Variants in SNX24 observed in about 807,000 individuals in gnomAD.
SNX24 encodes the protein sorting nexin-24.
A neutral mutation model predicts 28.7 loss-of-function variants in SNX24; 22 were observed. The ratio of observed to expected loss-of-function variants is 0.77; its 90% confidence interval spans 0.55 to 1.10. SNX24 has a LOEUF of 1.10. Among genes scored for constraint, SNX24 ranks in the 50% least tolerant of loss-of-function variants. The pLI is 0.00. For synonymous variants in SNX24, 69 were observed against 71.5 expected, an observed-to-expected ratio of 0.96 and a Z score of 0.18; for missense variants, 221 against 201.1, an observed-to-expected ratio of 1.10 and a Z score of -0.60.
intron 3 of SNX24, among the ~76,000 whole-genome samples, chr5:122,963,985 G>C (rs961486506): frequency 3.3e-5 from 5 of 152,102 alleles, no homozygotes; most frequent in African/African-American, 1.2e-4. Context: ...GCTCATGCCT[G>C]TAATCCCAGG....
intron 1 of SNX24, among the ~76,000 whole-genome samples, chr5:122,869,326 T>C (rs905109570): frequency 2.0e-5 from 3 of 152,246 alleles, no homozygotes; most frequent in African/African-American, 7.2e-5. Context: ...GTACTTGTTA[T>C]CATTTAAATA....
At chr5:122,889,522 T>G (rs1288460653) in intron 1 of SNX24, among the ~76,000 whole-genome samples, 1 of 151,744 alleles carries the variant, frequency 6.6e-6, no homozygotes, top group Non-Finnish European at 1.5e-5. Context: ...ATGCAGATAT[T>G]CCAAAATGGA....
At chr5:122,992,076 G>T (rs1028817726) in intron 3 of SNX24, among the ~76,000 whole-genome samples, 3 of 152,094 alleles carry the variant, frequency 2.0e-5, no homozygotes, top group African/African-American at 7.2e-5. Context: ...TAAATATTTG[G>T]GGAATGAATG....
rs560431074 is a variant in SNX24 at position 122,894,319 on chromosome 5, C to T, written c.61-42415C>T. 1.1e-4 allele frequency among the ~76,000 whole-genome samples: 17 copies of T among 152,246 alleles called. No homozygotes were observed. The East Asian group carries it at 1.2e-3, about 10-fold the overall frequency. On this transcript the variant is annotated intron_variant, in intron 1 of 6. Transcript: ENST00000261369. ...TTGTGCATGCACACACATACACACA[C>T]GCTTATTTTATCCCTAATATATCTC...
chr5:123,020,875 T>G (rs1039805010), intron 5 of SNX24, among the ~76,000 whole-genome samples: 1 of 152,194 alleles, frequency 6.6e-6, no homozygotes, highest in African/African-American at 2.4e-5. Flanking sequence ...TTCCCAATCA[T>G]TCTGGAAGTC....
At chr5:122,951,612 A>G (rs1008608877) in intron 3 of SNX24, among the ~76,000 whole-genome samples, 1 of 152,208 alleles carries the variant, frequency 6.6e-6, no homozygotes, top group South Asian at 2.1e-4. Context: ...CTGAGACTCC[A>G]CTGAAATGAA....
At chr5:122,981,222 T>C (rs919799138) in intron 3 of SNX24, among the ~76,000 whole-genome samples, 1 of 152,240 alleles carries the variant, frequency 6.6e-6, no homozygotes, top group Non-Finnish European at 1.5e-5. Context: ...TAAAGTGGTA[T>C]GCTTAATTAG....
At chr5:122,920,125 G>A (rs535918672) in intron 1 of SNX24, among the ~76,000 whole-genome samples, 5 of 152,280 alleles carry the variant, frequency 3.3e-5, no homozygotes, top group African/African-American at 4.8e-5. Context: ...TCAGGTCAAG[G>A]GAGAGAGAGG....
intron 3 of SNX24, among the ~76,000 whole-genome samples, chr5:122,999,659 G>A (rs1762175545): frequency 6.6e-6 from 1 of 152,166 alleles, no homozygotes; most frequent in East Asian, 1.9e-4. Context: ...TCAGCATCTA[G>A]TGTATAGTAG....
At position 122,882,189 on chromosome 5, in the gene SNX24, G is replaced by A. The variant is rs190798609; in HGVS notation, c.60+36496G>A. Among the ~76,000 whole-genome samples the A allele has an allele frequency of 2.2e-4, 33 of 152,200 alleles. No homozygotes were observed. The East Asian group carries it at 6.2e-3, about 28-fold the overall frequency. ...TGGTCTCCGACTCCTTGCCTCAAGA[G>A]ATTCTCCCACCCCAGCCTCCCAAAA... On this transcript the variant is annotated intron_variant, in intron 1 of 6. Coordinates refer to ENST00000261369, the MANE Select transcript of SNX24 (RefSeq NM_014035.4).
At chr5:122,960,070 T>C (rs948499024) in intron 3 of SNX24, among the ~76,000 whole-genome samples, 4 of 152,242 alleles carry the variant, frequency 2.6e-5, no homozygotes, top group Non-Finnish European at 4.4e-5. Flanking sequence ...GTGAGCTTCT[T>C]CACTTTCCTA....
At chr5:122,889,671 A>ATATGTGTATATATATGTATATG (rs1185690227) in intron 1 of SNX24, among the ~76,000 whole-genome samples, 20 of 146,574 alleles carry the variant, frequency 1.4e-4, no homozygotes, top group Non-Finnish European at 2.2e-4. Flanking sequence ...GTGTATATAT[A>ATATGTGTATATATATGTATATG]TATGTGTATA....
At chr5:123,014,333 A>ATTTTTTTTTTTTTTTTTTTTTTTTTTT (rs70988553) in intron 5 of SNX24, among the ~76,000 whole-genome samples, 3 of 77,270 alleles carry the variant, frequency 3.9e-5, no homozygotes, top group African/African-American at 5.6e-5. Flanking sequence ...TGCCCAGCTG[A>ATTTTTTTTTTTTTTTTTTTTTTTTTTT]TTTTTTTTTT....
At chr5:122,951,353 C>T (rs1290662424) in intron 3 of SNX24, among the ~76,000 whole-genome samples, 1 of 150,742 alleles carries the variant, frequency 6.6e-6, no homozygotes, top group African/African-American at 2.4e-5. Context: ...ATATTTCTTA[C>T]CTTTATTTTT....
intron 3 of SNX24, among the ~76,000 whole-genome samples, chr5:122,987,051 C>A (rs931061698): frequency 1.3e-5 from 2 of 151,950 alleles, no homozygotes; most frequent in Non-Finnish European, 2.9e-5. Context: ...AGGAGAAGAT[C>A]GATGGAAGTG....
intron 1 of SNX24, among the ~76,000 whole-genome samples, chr5:122,917,890 C>A (rs959998847): frequency 6.6e-6 from 1 of 151,878 alleles, no homozygotes; most frequent in African/African-American, 2.4e-5. Flanking sequence ...ACCATCCTGG[C>A]TAACACGGTG....
At chr5:122,907,890 AT>A (rs76184277) in intron 1 of SNX24, among the ~76,000 whole-genome samples, 6,610 of 144,986 alleles carry the variant, frequency 0.046, 183 homozygotes, top group East Asian at 0.1. Context: ...CTGAATGGTA[AT>A]TTTTTTTTTT....
chr5:123,016,494 T>G (rs983564096), intron 5 of SNX24, among the ~76,000 whole-genome samples: 2 of 152,108 alleles, frequency 1.3e-5, no homozygotes, highest in African/African-American at 4.8e-5. Flanking sequence ...GGGTAATGTA[T>G]ATAATGGCTC....
intron 1 of SNX24, among the ~76,000 whole-genome samples, chr5:122,862,018 G>T (rs184076309): frequency 6.6e-6 from 1 of 152,142 alleles, no homozygotes; most frequent in Non-Finnish European, 1.5e-5. Flanking sequence ...TTGGTGTTGC[G>T]GGGCAGGGGC....
Sources: gnomAD v4.1 joint callset for allele counts (sites outside exome capture counted in the v4.1 genomes callset) on GRCh38, gnomAD v4.1.1 for gene constraint, MANE v1.5 for transcripts, NCBI Gene and HGNC (gene_info 2026-07-23, HGNC 2026-07-21) for gene names.